The following DLGAP2 variants were observed in gnomAD, a reference collection of about 807,000 sequenced individuals.
DLGAP2 encodes the protein disks large-associated protein 2.
A neutral mutation model predicts 100.3 loss-of-function variants in DLGAP2; 26 were observed. The observed-to-expected ratio is 0.26, with a 90% CI of 0.19 to 0.36. DLGAP2 has a LOEUF of 0.36. DLGAP2 is among the 10% of genes least tolerant of loss of function. DLGAP2 has a pLI of 1.00. For missense variants in DLGAP2, 1,858 were observed against 1,453.2 expected (o/e 1.28, Z -4.53); for synonymous variants, 886 against 630.1 (o/e 1.41, Z -6.08).
intron 3 of DLGAP2, among the ~76,000 whole-genome samples, chr8:1,320,707 C>T (rs1284185714): frequency 1.3e-5 from 2 of 152,212 alleles, no homozygotes; most frequent in Non-Finnish European, 2.9e-5. Context: ...TTCCCAGCAC[C>T]TTGTGCACAC....
At chr8:1,210,495 G>T (rs1429121588) in intron 2 of DLGAP2, among the ~76,000 whole-genome samples, 1 of 152,214 alleles carries the variant, frequency 6.6e-6, no homozygotes, top group African/African-American at 2.4e-5. Flanking sequence ...CCCTGAGGCG[G>T]GCAGGCAGCT....
chr8:983,535 C>T (rs557209220), intron 2 of DLGAP2, among the ~76,000 whole-genome samples: 7 of 152,350 alleles, frequency 4.6e-5, no homozygotes, highest in Admixed American at 6.5e-5. Context: ...CCACCTTCAT[C>T]GTACATACCC....
chr8:1,313,653 C>T lies in DLGAP2; in HGVS notation c.106+54770C>T, dbSNP rs373847333. On this transcript the variant is annotated intron_variant, in intron 3 of 14. Transcript: ENST00000637795. ...GATTCAGGCTTCACAGCGGCAGGCT[C>T]TGTCCCGGGATACCTCAAGTCCCAC... Among the ~76,000 whole-genome samples, 15 of 152,328 alleles carry T rather than the reference C, an allele frequency of 9.8e-5. 2 individuals carry two copies. Among genetic ancestry groups the T allele is most frequent in the African/African-American group, 3.4e-4 (14 of 41,586 alleles).
intron 3 of DLGAP2, among the ~76,000 whole-genome samples, chr8:1,414,870 G>A (rs929684331): frequency 2.0e-5 from 3 of 152,270 alleles, no homozygotes; most frequent in South Asian, 2.1e-4. Flanking sequence ...TTAGCCAGGC[G>A]TGGTGGCAGG....
At chr8:738,261 C>A (rs906823412) in intron 1 of DLGAP2, among the ~76,000 whole-genome samples, 5 of 151,672 alleles carry the variant, frequency 3.3e-5, no homozygotes, top group African/African-American at 7.3e-5. Context: ...ATCCCCCTCC[C>A]CCCAAGCCCG....
intron 3 of DLGAP2, among the ~76,000 whole-genome samples, chr8:1,408,738 C>G (rs1796645300): frequency 6.6e-6 from 1 of 152,142 alleles, no homozygotes; most frequent in African/African-American, 2.4e-5. Context: ...GAAAGCAGAA[C>G]CCGGGAAAGC....
intron 3 of DLGAP2, among the ~76,000 whole-genome samples, chr8:1,283,799 T>TA (rs1273154215): frequency 6.6e-6 from 1 of 152,266 alleles, no homozygotes; most frequent in Non-Finnish European, 1.5e-5. Context: ...ACTGCTATTT[T>TA]ATTTATAAAA....
chr8:1,364,212 C>T (rs1402397972), intron 3 of DLGAP2, among the ~76,000 whole-genome samples: 1 of 152,206 alleles, frequency 6.6e-6, no homozygotes, highest in Non-Finnish European at 1.5e-5. Flanking sequence ...GCGGACGGTG[C>T]CCCCGGGCTG....
At chr8:1,172,638 C>G (rs374352421) in intron 2 of DLGAP2, among the ~76,000 whole-genome samples, 2 of 152,226 alleles carry the variant, frequency 1.3e-5, no homozygotes, top group Admixed American at 6.5e-5. Context: ...TTCATTTCAT[C>G]TTCCATCGCT....
At chr8:1,314,950 G>A (rs1800696154) in intron 3 of DLGAP2, among the ~76,000 whole-genome samples, 1 of 152,216 alleles carries the variant, frequency 6.6e-6, no homozygotes, top group Non-Finnish European at 1.5e-5. Context: ...GGCGCAAGAT[G>A]CCCTCTGAAA....
chr8:848,811 G>A (rs1346889612), intron 1 of DLGAP2, among the ~76,000 whole-genome samples: 6 of 151,490 alleles, frequency 4.0e-5, no homozygotes, highest in South Asian at 2.1e-4. Context: ...GTGTAGGAAC[G>A]TGCCAGGGTT....
At chr8:1,415,655 C>G (rs138048294) in intron 3 of DLGAP2, among the ~76,000 whole-genome samples, 2 of 152,206 alleles carry the variant, frequency 1.3e-5, no homozygotes, top group Admixed American at 6.5e-5. Context: ...TTCTCTCTTA[C>G]GGCTGCATAG....
chr8:1,324,282 A>G (rs1033808140), intron 3 of DLGAP2, among the ~76,000 whole-genome samples: 3 of 152,220 alleles, frequency 2.0e-5, no homozygotes, highest in East Asian at 1.9e-4. Context: ...CAGAGTTTTC[A>G]TTGAGCTCCA....
intron 2 of DLGAP2, among the ~76,000 whole-genome samples, chr8:1,017,642 A>AT (rs1554466903): frequency 6.9e-6 from 1 of 144,930 alleles, no homozygotes; most frequent in Non-Finnish European, 1.6e-5. Flanking sequence ...ACCGGGACAG[A>AT]TGACACCTCC....
chr8:1,217,199 G>A (rs1798231775), intron 2 of DLGAP2, among the ~76,000 whole-genome samples: 1 of 152,158 alleles, frequency 6.6e-6, no homozygotes, highest in South Asian at 2.1e-4. Context: ...TTATCAGGGA[G>A]AACATGGAGT....
At chr8:1,244,341 A>T (rs1798861439) in intron 2 of DLGAP2, among the ~76,000 whole-genome samples, 1 of 152,248 alleles carries the variant, frequency 6.6e-6, no homozygotes, top group Non-Finnish European at 1.5e-5. Context: ...TCAAAAGCAT[A>T]CACTATTGGC....
At chr8:1,068,355 C>T (rs1803319989) in intron 2 of DLGAP2, among the ~76,000 whole-genome samples, 1 of 152,202 alleles carries the variant, frequency 6.6e-6, no homozygotes, top group Admixed American at 6.5e-5. Context: ...CAAGCATGTG[C>T]TTAGTTTTGT....
chr8:760,214 C>T (rs1821046266), intron 1 of DLGAP2, among the ~76,000 whole-genome samples: 1 of 152,154 alleles, frequency 6.6e-6, no homozygotes, highest in Non-Finnish European at 1.5e-5. Context: ...CAAGGGATGA[C>T]ACAGGCTTTT....
At chr8:896,927 G>C (rs1798153675) in intron 1 of DLGAP2, among the ~76,000 whole-genome samples, 1 of 152,152 alleles carries the variant, frequency 6.6e-6, no homozygotes, top group Admixed American at 6.5e-5. Flanking sequence ...TCAGCCCGAG[G>C]AGATGCGTGT....
Sources: gnomAD v4.1 joint callset for allele counts (sites outside exome capture counted in the v4.1 genomes callset) on GRCh38, gnomAD v4.1.1 for gene constraint, MANE v1.5 for transcripts, NCBI Gene and HGNC (gene_info 2026-07-23, HGNC 2026-07-21) for gene names.